GLB1L3: variants seen among roughly 807,000 people sequenced by gnomAD.
GLB1L3 encodes beta-galactosidase-1-like protein 3.
Under a neutral mutation model 89.5 loss-of-function variants are expected in GLB1L3, and 89 were observed. That is an observed-to-expected ratio of 0.99 (90% CI 0.84 to 1.19). The LOEUF (loss-of-function observed/expected upper bound fraction) is 1.19, where lower values mean the gene tolerates loss of function less well. Among genes scored for constraint, GLB1L3 ranks in the 50% most tolerant of loss-of-function variants. The probability of loss-of-function intolerance (pLI) is 0.00; values close to 1 mark genes in which losing one functional copy is unlikely to be tolerated. For synonymous variants in GLB1L3, 314 were observed against 312.3 expected (o/e 1.01, Z -0.06); for missense variants, 812 against 813.3 (o/e 1.00, Z 0.02).
At chr11:134,317,733 T>G (rs1943043607) in intron 18 of GLB1L3, among the ~76,000 whole-genome samples, 1 of 152,214 alleles carries the variant, frequency 6.6e-6, no homozygotes, top group Non-Finnish European at 1.5e-5. Context: ...GTTATTTGCT[T>G]TGCCTATTGA....
rs1490327796 is a variant in GLB1L3 at position 134,312,815 on chromosome 11, G to C, written c.1429-1G>C. On this transcript the variant is annotated splice_acceptor_variant, in intron 14 of 19. Coordinates refer to ENST00000431683, the MANE Select transcript of GLB1L3 (RefSeq NM_001080407.3). LOFTEE classifies it high-confidence loss of function. Reference sequence around the variant, plus strand: ...GTCTGACGCCGGCTCTTCTTTTGCAGGTGTTTTTGGATGAGACAATGATAG... The same window carrying C: ...GTCTGACGCCGGCTCTTCTTTTGCACGTGTTTTTGGATGAGACAATGATAG... 1.2e-6 allele frequency: 2 copies of C among 1,610,586 alleles called. No homozygotes were observed. Among genetic ancestry groups the C allele is most frequent in the African/African-American group, 1.3e-5 (1 of 74,986 alleles).
downstream of GLB1L3, among the ~76,000 whole-genome samples, chr11:134,323,124 A>ATATT (rs1943185856): frequency 1.3e-5 from 2 of 152,190 alleles, no homozygotes; most frequent in Non-Finnish European, 2.9e-5. Context: ...TGAGTATGAA[A>ATATT]TGTTATCTCA....
intron 8 of GLB1L3, 137 bp from the exon 9 acceptor site, chr11:134,293,008 G>C (rs1328926637): frequency 1.4e-6 from 1 of 712,202 alleles, no homozygotes; most frequent in Non-Finnish European, 2.5e-6. Flanking sequence ...GGCAGAGTGG[G>C]GTCCAGACAG....
chr11:134,317,583 C>T (rs547442296), intron 18 of GLB1L3, among the ~76,000 whole-genome samples: 1 of 152,220 alleles, frequency 6.6e-6, no homozygotes, highest in East Asian at 1.9e-4. Flanking sequence ...TAGTTTAATA[C>T]AGGATCAAGC....
rs368175839 is a variant in GLB1L3 at position 134,317,746 on chromosome 11, A to G, written c.1780-885A>G. 3.3e-5 allele frequency among the ~76,000 whole-genome samples: 5 copies of G among 152,164 alleles called. No individual in the cohort carries two copies. The East Asian group carries it at 9.6e-4, about 29-fold the overall frequency. ...TTGTTATTTGCTTTGCCTATTGACTATTGAAAGGTTGTATAAAAATTTCCC... is the reference window on the plus strand; with the variant it reads ...TTGTTATTTGCTTTGCCTATTGACTGTTGAAAGGTTGTATAAAAATTTCCC... On this transcript the variant is annotated intron_variant, in intron 18 of 19. Coordinates refer to ENST00000431683, the MANE Select transcript of GLB1L3 (RefSeq NM_001080407.3).
intron 9 of GLB1L3, chr11:134,305,290 A>G (rs926861568): frequency 3.0e-6 from 2 of 669,510 alleles, no homozygotes; most frequent in Admixed American, 4.3e-5. Flanking sequence ...GTAACTGATA[A>G]TAAATGGTTG....
chr11:134,281,070 TTC>T (rs1940658375), intron 3 of GLB1L3, among the ~76,000 whole-genome samples: 1 of 152,236 alleles, frequency 6.6e-6, no homozygotes, highest in South Asian at 2.1e-4. Flanking sequence ...TTTGTTTTTG[TTC>T]TCTTTTTTAA....
chr11:134,308,441 C>CAAAT (rs1942456164), intron 10 of GLB1L3, among the ~76,000 whole-genome samples: 1 of 72,260 alleles, frequency 1.4e-5, no homozygotes, highest in Non-Finnish European at 2.5e-5. Flanking sequence ...CCACCACCAC[C>CAAAT]ACCATCACCA....
At chr11:134,291,929 C>T (rs987829003) in intron 7 of GLB1L3, among the ~76,000 whole-genome samples, 9 of 152,120 alleles carry the variant, frequency 5.9e-5, no homozygotes, top group Admixed American at 5.2e-4. Context: ...GAGCTATGAT[C>T]GTGCCACTGC....
At chr11:134,289,113 G>T (rs537802723) in intron 7 of GLB1L3, 14 of 445,270 alleles carry the variant, frequency 3.1e-5, no homozygotes, top group African/African-American at 2.8e-4. Context: ...ACTGTTGACT[G>T]GAAGCCTTAC....
intron 13 of GLB1L3, 162 bp from the exon 14 acceptor site, chr11:134,312,187 G>A (rs2136222421): frequency 1.4e-6 from 1 of 705,874 alleles, no homozygotes; most frequent in East Asian, 2.6e-5. Flanking sequence ...CCTGGGCAGT[G>A]GAGACGTAAG....
intron 13 of GLB1L3, 185 bp downstream of exon 13, chr11:134,311,355 C>A: frequency 1.7e-6 from 1 of 600,064 alleles, no homozygotes; most frequent in South Asian, 1.9e-5. Context: ...ACCTTGGAGT[C>A]AGTGTGCAGG....
downstream of GLB1L3, chr11:134,319,654 T>C (rs913789035): frequency 1.3e-5 from 2 of 151,488 alleles, no homozygotes; most frequent in Admixed American, 1.3e-4. Flanking sequence ...CCAGAGAGAG[T>C]ATTGCATGTA....
intron 6 of GLB1L3, among the ~76,000 whole-genome samples, chr11:134,286,748 G>A (rs1591540767): frequency 6.6e-6 from 1 of 151,436 alleles, no homozygotes. Flanking sequence ...CCGCACTCCA[G>A]CCTGGGCGAC....
chr11:134,292,284 C>A, intron 8 of GLB1L3, 71 bp downstream of exon 8: 1 of 1,085,452 alleles, frequency 9.2e-7, no homozygotes, highest in Non-Finnish European at 1.4e-6. Context: ...GAACACACTG[C>A]AGAGAAAACC....
At position 134,296,826 on chromosome 11, in the gene GLB1L3, A is replaced by G. The variant is rs1234324838; in HGVS notation, c.876+3617A>G. Among the ~76,000 whole-genome samples the G allele has an allele frequency of 6.8e-5, 7 of 102,794 alleles. No individual in the cohort carries two copies. The South Asian group carries it at 1.9e-3, about 28-fold the overall frequency. The allele number at this position is 102,794 out of a possible 152,430, so 67.4% of individuals were successfully genotyped here. A position where few individuals can be genotyped will look rare whatever the true frequency, so the allele number is the denominator to read the frequency against. On this transcript the variant is annotated intron_variant, in intron 9 of 19. Coordinates refer to ENST00000431683, the MANE Select transcript of GLB1L3 (RefSeq NM_001080407.3). ...CTGCACATTGTGCACATGTACCCTA[A>G]AACTTAAAGTATAATAATAATAATA... is the stretch of plus-strand genomic sequence containing the variant.
At chr11:134,308,512 CACCACCATGTCCACCACCACT>C (rs1942497628) in intron 10 of GLB1L3, among the ~76,000 whole-genome samples, 1 of 104,442 alleles carries the variant, frequency 9.6e-6, no homozygotes, top group Non-Finnish European at 2.0e-5. Flanking sequence ...CCACCACCAC[CACCACCATGTCCACCACCACT>C]ACCACCACCA....
chr11:134,310,659 G>A lies in GLB1L3; in HGVS notation c.1180+8G>A, dbSNP rs748022707. 1.9e-6 allele frequency: 3 copies of A among 1,607,518 alleles called. No homozygotes were observed. In the African/African-American group the frequency reaches 4.0e-5, roughly 21 times the overall value. ...TCTTTCAATCTGTCTCAGGTACTCA[G>A]CACCCATTTAACTTACGGGCCAGCC... On this transcript the variant is annotated splice_region_variant and intron_variant, in intron 12 of 19. Coordinates refer to ENST00000431683, the MANE Select transcript of GLB1L3 (RefSeq NM_001080407.3).
At chr11:134,283,165 C>T (rs1940791504) in intron 5 of GLB1L3, among the ~76,000 whole-genome samples, 1 of 152,046 alleles carries the variant, frequency 6.6e-6, no homozygotes, top group African/African-American at 2.4e-5. Context: ...CGGGTTCAAG[C>T]GATTCTCCTG....
Sources: gnomAD v4.1 joint callset for allele counts (sites outside exome capture counted in the v4.1 genomes callset) on GRCh38, gnomAD v4.1.1 for gene constraint, MANE v1.5 for transcripts, NCBI Gene and HGNC (gene_info 2026-07-23, HGNC 2026-07-21) for gene names.